Variants in CCDC178 observed in about 807,000 individuals in gnomAD.
CCDC178 encodes the protein coiled-coil domain containing 178, also known as coiled-coil domain-containing protein 178.
CCDC178 carries 126 observed loss-of-function variants against 117.4 expected under a neutral mutation model. The ratio of observed to expected loss-of-function variants is 1.07; its 90% CI spans 0.93 to 1.24. CCDC178 has a LOEUF of 1.24. Among genes scored for constraint, CCDC178 ranks in the 50% most tolerant of loss-of-function variants. The pLI, the probability that CCDC178 is intolerant of heterozygous loss-of-function variation, is 0.00. For synonymous variants in CCDC178, 283 were observed against 313.4 expected (o/e 0.90, Z 1.02); for missense variants, 1,030 against 986.9 (o/e 1.04, Z -0.59).
chr18:33,158,270 A>G (rs948579916), intron 20 of CCDC178, among the ~76,000 whole-genome samples: 1 of 152,130 alleles, frequency 6.6e-6, no homozygotes, highest in African/African-American at 2.4e-5. Context: ...TCTAATTGGT[A>G]TATCTTCCTT....
At chr18:33,226,122 C>T (rs1166547013) in intron 16 of CCDC178, among the ~76,000 whole-genome samples, 1 of 152,208 alleles carries the variant, frequency 6.6e-6, no homozygotes, top group Non-Finnish European at 1.5e-5. Flanking sequence ...GATCGTGCCA[C>T]TGCACTCCAG....
At position 33,223,104 on chromosome 18, in the gene CCDC178, A is replaced by C; in HGVS notation, c.1932+2T>G. The C allele has an allele frequency of 1.9e-5, 27 of 1,451,296 alleles. No homozygotes were observed. Among genetic ancestry groups the C allele is most frequent in the Non-Finnish European group, 2.6e-5 (27 of 1,042,350 alleles). The allele number at this position is 1,451,296 out of a possible 1,614,324, so 89.9% of individuals were successfully genotyped here. On this transcript the variant is annotated splice_donor_variant, in intron 18 of 22. Transcript: ENST00000383096. LOFTEE classifies it high-confidence loss of function. Reference sequence around the variant, plus strand: ...AATTAGATTCTGAACTTAAATTCTTACCTCAGTTTCTATTAATGCATCAAG... The same window carrying C: ...AATTAGATTCTGAACTTAAATTCTTCCCTCAGTTTCTATTAATGCATCAAG...
intron 21 of CCDC178, among the ~76,000 whole-genome samples, chr18:33,084,483 T>C (rs1375344309): frequency 6.6e-6 from 1 of 152,120 alleles, no homozygotes; most frequent in Non-Finnish European, 1.5e-5. Context: ...TCTTTTCATT[T>C]ATATATGTGT....
Position 32,959,878 on chromosome 18 carries a change from T to A in CCDC178, c.2523+14669A>T, listed in dbSNP as rs575869400. On this transcript the variant is annotated intron_variant, in intron 22 of 22. Coordinates refer to ENST00000383096, the MANE Select transcript of CCDC178 (RefSeq NM_001105528.4). ...TGGCATAGAGTGAATTAAAAAAAAA[T>A]AAAAATGCTGGAGTCTTTTGTTGTT... Among the ~76,000 whole-genome samples, 23 of 151,908 alleles carry A rather than the reference T, an allele frequency of 1.5e-4. No homozygotes were observed. In the South Asian group the frequency reaches 3.7e-3, roughly 25 times the overall value.
intron 21 of CCDC178, among the ~76,000 whole-genome samples, chr18:32,991,178 C>A (rs901270139): frequency 4.6e-5 from 7 of 152,108 alleles, no homozygotes; most frequent in African/African-American, 1.7e-4. Flanking sequence ...AAATAATATA[C>A]TACATAGTGG....
chr18:33,221,473 G>A (rs1234658989), intron 18 of CCDC178, among the ~76,000 whole-genome samples: 1 of 152,118 alleles, frequency 6.6e-6, no homozygotes, highest in Non-Finnish European at 1.5e-5. Context: ...CTTAGTGCCT[G>A]TAGTGTGTGA....
intron 15 of CCDC178, among the ~76,000 whole-genome samples, chr18:33,234,163 C>G (rs757655779): frequency 3.7e-4 from 56 of 152,098 alleles, no homozygotes; most frequent in Non-Finnish European, 6.9e-4. Context: ...TCAAATGTGT[C>G]AGGAAAAATG....
intron 21 of CCDC178, among the ~76,000 whole-genome samples, chr18:33,086,109 G>C (rs543085133): frequency 6.6e-6 from 1 of 151,756 alleles, no homozygotes; most frequent in South Asian, 2.1e-4. Flanking sequence ...ATATTTACTT[G>C]TTTTATTGTA....
chr18:32,951,535 C>T (rs2054483078), intron 22 of CCDC178, among the ~76,000 whole-genome samples: 2 of 152,092 alleles, frequency 1.3e-5, no homozygotes, highest in East Asian at 1.9e-4. Flanking sequence ...GGGAGCCACC[C>T]CCATGATTTA....
intron 21 of CCDC178, among the ~76,000 whole-genome samples, chr18:32,990,803 T>C (rs2055371910): frequency 6.6e-6 from 1 of 151,906 alleles, no homozygotes; most frequent in Non-Finnish European, 1.5e-5. Context: ...CCAGGATTTA[T>C]GTATAGATCT....
intron 15 of CCDC178, among the ~76,000 whole-genome samples, chr18:33,240,005 A>T (rs1381063662): frequency 6.6e-6 from 1 of 151,992 alleles, no homozygotes; most frequent in African/African-American, 2.4e-5. Flanking sequence ...ATCTTAAAAC[A>T]TTTTTAAAAT....
At chr18:32,942,776 T>C (rs1389414742) in intron 22 of CCDC178, among the ~76,000 whole-genome samples, 1 of 152,182 alleles carries the variant, frequency 6.6e-6, no homozygotes, top group Non-Finnish European at 1.5e-5. Flanking sequence ...TGCTTCGCAG[T>C]GCACTCTTGC....
At chr18:32,946,301 G>A (rs1298721099) in intron 22 of CCDC178, among the ~76,000 whole-genome samples, 1 of 152,146 alleles carries the variant, frequency 6.6e-6, no homozygotes, top group Non-Finnish European at 1.5e-5. Flanking sequence ...CTCTGCTTGT[G>A]AATTTGAATT....
At chr18:33,439,629 C>G (rs2064349957) in intron 2 of CCDC178, among the ~76,000 whole-genome samples, 1 of 152,168 alleles carries the variant, frequency 6.6e-6, no homozygotes, top group South Asian at 2.1e-4. Flanking sequence ...TCTCTGAGTT[C>G]TTAAACTTGG....
chr18:33,036,243 G>GA (rs2056441916), intron 21 of CCDC178, among the ~76,000 whole-genome samples: 1 of 151,654 alleles, frequency 6.6e-6, no homozygotes, highest in Non-Finnish European at 1.5e-5. Flanking sequence ...CATGTATAAA[G>GA]AAAATGATAT....
chr18:33,125,050 G>A (rs753958815), intron 20 of CCDC178, among the ~76,000 whole-genome samples: 7 of 152,028 alleles, frequency 4.6e-5, no homozygotes, highest in Non-Finnish European at 7.4e-5. Flanking sequence ...CTGTTGCCAG[G>A]AGATTTTTTT....
chr18:33,425,117 T>C (rs574891802), intron 2 of CCDC178, among the ~76,000 whole-genome samples: 1 of 152,046 alleles, frequency 6.6e-6, no homozygotes, highest in South Asian at 2.1e-4. Flanking sequence ...AAAAATAAAA[T>C]AGTGTCCAAT....
chr18:33,055,979 T>C (rs1042748131), intron 21 of CCDC178, among the ~76,000 whole-genome samples: 10 of 152,036 alleles, frequency 6.6e-5, no homozygotes, highest in African/African-American at 2.4e-4. Flanking sequence ...ATTTTTGTAT[T>C]TTTAGCAGAG....
chr18:33,400,378 T>C lies in CCDC178; in HGVS notation c.59-3170A>G, dbSNP rs565406599. 5.9e-4 allele frequency among the ~76,000 whole-genome samples: 90 copies of C among 152,336 alleles called. 1 individual carries two copies. The highest frequency in any genetic ancestry group is 2.1e-3 in the African/African-American group (86 of 41,584). On this transcript the variant is annotated intron_variant, in intron 3 of 22. Coordinates refer to ENST00000383096, the MANE Select transcript of CCDC178 (RefSeq NM_001105528.4). ...GGCATTTATTTCTCCTCCCCAGCTA[T>C]GAAAGTTCTTCTAAGGCTGTTTTGC...
Sources: allele counts gnomAD v4.1 joint callset (sites outside exome capture counted in the v4.1 genomes callset), GRCh38; gene constraint gnomAD v4.1.1; transcripts MANE v1.5; gene names NCBI Gene and HGNC (gene_info 2026-07-23, HGNC 2026-07-21).